KANK1: variants seen among roughly 807,000 people sequenced by gnomAD.
KANK1 encodes the protein KN motif and ankyrin repeat domain-containing protein 1.
A neutral mutation model predicts 106.2 loss-of-function variants in KANK1; 109 were observed. The observed-to-expected ratio is 1.03, with a 90% CI of 0.88 to 1.20. The LOEUF (loss-of-function observed/expected upper bound fraction) is 1.20. KANK1 is among the 50% of genes most tolerant of loss of function. The pLI is 0.00. For synonymous variants in KANK1, 873 were observed against 652.2 expected (o/e 1.34, Z -5.16); for missense variants, 2,399 against 1,710.7 (o/e 1.40, Z -7.10).
chr9:647,188 T>C (rs936670785), intron 1 of KANK1, among the ~76,000 whole-genome samples: 2 of 151,068 alleles, frequency 1.3e-5, no homozygotes, highest in African/African-American at 5.0e-5. Context: ...CTGTATAAGA[T>C]AAATTCATCC....
At chr9:606,306 C>A (rs1829144393) in intron 1 of KANK1, among the ~76,000 whole-genome samples, 1 of 138,582 alleles carries the variant, frequency 7.2e-6, no homozygotes, top group African/African-American at 3.4e-5. Flanking sequence ...CCTGAAATCC[C>A]AGCACTTTGG....
intron 2 of KANK1, among the ~76,000 whole-genome samples, chr9:690,524 C>T (rs1447863351): frequency 6.6e-6 from 1 of 151,860 alleles, no homozygotes; most frequent in Non-Finnish European, 1.5e-5. Context: ...ATGTATAAGG[C>T]ACCTGCAGCA....
At position 655,095 on chromosome 9, in the gene KANK1, C is replaced by T. The variant is rs556333386; in HGVS notation, c.-83-21795C>T. On this transcript the variant is annotated intron_variant, in intron 1 of 11. Transcript: ENST00000382297. The stretch of plus-strand genomic sequence containing the variant: ...TAATTCTAATAATCATCCAGCCGGG[C>T]GTGGTAGCTCACGCCTGTAACCCCA... Among the ~76,000 whole-genome samples the T allele has an allele frequency of 1.3e-4, 20 of 152,168 alleles. No individual in the cohort carries two copies. The South Asian group carries it at 1.5e-3, about 11-fold the overall frequency.
chr9:717,676 G>A (rs1234843821), intron 3 of KANK1, among the ~76,000 whole-genome samples: 1 of 152,058 alleles, frequency 6.6e-6, no homozygotes, highest in Non-Finnish European at 1.5e-5. Context: ...TAACAAAAAT[G>A]TTGGTAAAAA....
chr9:602,863 AT>A (rs993906652), intron 1 of KANK1, among the ~76,000 whole-genome samples: 3 of 151,640 alleles, frequency 2.0e-5, no homozygotes, highest in African/African-American at 7.3e-5. Flanking sequence ...CTCCTTTGTA[AT>A]TTTTCATATT....
intron 1 of KANK1, among the ~76,000 whole-genome samples, chr9:599,769 G>A (rs184319111): frequency 8.6e-5 from 13 of 151,872 alleles, no homozygotes; most frequent in Admixed American, 5.2e-4. Flanking sequence ...TTTCATATAC[G>A]CAGGTTCTTC....
chr9:705,228 G>A (rs986040053), intron 2 of KANK1, among the ~76,000 whole-genome samples: 28 of 152,144 alleles, frequency 1.8e-4, no homozygotes, highest in Non-Finnish European at 2.6e-4. Flanking sequence ...GCTCACAGCT[G>A]TAATCCCAGC....
At chr9:537,320 G>C (rs572151722) in intron 1 of KANK1, among the ~76,000 whole-genome samples, 14 of 152,228 alleles carry the variant, frequency 9.2e-5, no homozygotes, top group African/African-American at 3.4e-4. Context: ...TTGACACTTG[G>C]AATTTGATAC....
At chr9:654,597 GTCTGC>G (rs1225603005) in intron 1 of KANK1, among the ~76,000 whole-genome samples, 4 of 151,528 alleles carry the variant, frequency 2.6e-5, no homozygotes, top group Non-Finnish European at 5.9e-5. Flanking sequence ...CTCATCCATT[GTCTGC>G]TTTGACCCTA....
intron 1 of KANK1, among the ~76,000 whole-genome samples, chr9:651,174 A>G (rs975874979): frequency 6.6e-6 from 1 of 152,218 alleles, no homozygotes; most frequent in Non-Finnish European, 1.5e-5. Flanking sequence ...GTCATACAAC[A>G]CTAAAAATCA....
intron 3 of KANK1, among the ~76,000 whole-genome samples, chr9:718,188 C>T (rs1828236974): frequency 6.6e-6 from 1 of 151,192 alleles, no homozygotes; most frequent in African/African-American, 2.4e-5. Context: ...ACAATGCAAT[C>T]CAAGTGTTTC....
intron 1 of KANK1, among the ~76,000 whole-genome samples, chr9:533,432 A>C (rs2133601270): frequency 1.3e-5 from 2 of 152,344 alleles, no homozygotes; most frequent in Middle Eastern, 3.4e-3. Context: ...CAGATGAGGT[A>C]AGGCATAATG....
At chr9:690,551 T>G (rs1441704039) in intron 2 of KANK1, among the ~76,000 whole-genome samples, 2 of 151,832 alleles carry the variant, frequency 1.3e-5, no homozygotes, top group African/African-American at 4.8e-5. Context: ...TCCAGAAGAA[T>G]TGTGCACAGT....
At chr9:594,854 C>G (rs1434473282) in intron 1 of KANK1, among the ~76,000 whole-genome samples, 1 of 151,706 alleles carries the variant, frequency 6.6e-6, no homozygotes, top group Non-Finnish European at 1.5e-5. Flanking sequence ...CTCTTTCAAC[C>G]TTTAATGTAT....
intron 1 of KANK1, among the ~76,000 whole-genome samples, chr9:599,971 A>G (rs1410646939): frequency 6.6e-6 from 1 of 151,834 alleles, no homozygotes; most frequent in Non-Finnish European, 1.5e-5. Flanking sequence ...ACATCAACGT[A>G]TGTCCATGTA....
At chr9:603,386 C>G (rs1188795358) in intron 1 of KANK1, among the ~76,000 whole-genome samples, 1 of 151,762 alleles carries the variant, frequency 6.6e-6, no homozygotes, top group Non-Finnish European at 1.5e-5. Flanking sequence ...GCTTTGATAG[C>G]TAATCATAGT....
chr9:567,322 C>T (rs750179421), intron 1 of KANK1, among the ~76,000 whole-genome samples: 47 of 152,228 alleles, frequency 3.1e-4, no homozygotes, highest in African/African-American at 8.9e-4. Context: ...CCTTCTATGC[C>T]TACATCTTAG....
chr9:640,618 A>C (rs1479265984), intron 1 of KANK1, among the ~76,000 whole-genome samples: 9 of 151,392 alleles, frequency 5.9e-5, no homozygotes, highest in Non-Finnish European at 1.0e-4. Context: ...GCTGGTCTTG[A>C]ACTCCTGATC....
At position 600,257 on chromosome 9, in the gene KANK1, C is replaced by A. The variant is rs117199898; in HGVS notation, c.-83-76633C>A. Among the ~76,000 whole-genome samples, 295 of 151,788 alleles carry A rather than the reference C, an allele frequency of 1.9e-3. 2 individuals are homozygous for A. Among genetic ancestry groups the A allele is most frequent in the Admixed American group, 0.013 (200 of 15,258 alleles). On this transcript the variant is annotated intron_variant, in intron 1 of 11. Coordinates refer to ENST00000382297, the MANE Select transcript of KANK1 (RefSeq NM_015158.5). ...TTCTGTCTCTGTAATTTTGACTATT[C>A]TAGGTACCTCATAAGTGGAATCACA...
Sources: allele counts gnomAD v4.1 joint callset (sites outside exome capture counted in the v4.1 genomes callset), GRCh38; gene constraint gnomAD v4.1.1; transcripts MANE v1.5; gene names NCBI Gene and HGNC (gene_info 2026-07-23, HGNC 2026-07-21).